KIRREL3: variants seen among roughly 807,000 people sequenced by gnomAD.
KIRREL3 encodes the protein kirre like nephrin family adhesion molecule 3, also known as kin of IRRE-like protein 3.
Under a neutral mutation model 89.7 loss-of-function variants are expected in KIRREL3, and 36 were observed. That is an observed-to-expected ratio of 0.40 (90% CI 0.31 to 0.53). The LOEUF is 0.53. Among genes scored for constraint, KIRREL3 ranks in the 20% least tolerant of loss-of-function variants. KIRREL3 has a pLI of 0.49. For synonymous variants in KIRREL3, 445 were observed against 441.4 expected (o/e 1.01, Z -0.10); for missense variants, 864 against 1,056.6 (o/e 0.82, Z 2.53).
rs561768809 is a variant in KIRREL3, at chr11:126,862,031, G to A, written c.55+138424C>T. On this transcript the variant is annotated intron_variant, in intron 1 of 16. Transcript: ENST00000525144. The stretch of plus-strand genomic sequence containing the variant: ...CCAGCTCTGCCCTTCTTGGCAGTGA[G>A]CAGTTAGCGGCCCTGAGGAATGAAG... Among the ~76,000 whole-genome samples, 417 of 152,382 alleles carry A rather than the reference G, an allele frequency of 2.7e-3. 1 individual carries two copies. Among genetic ancestry groups the A allele is most frequent in the Non-Finnish European group, 4.6e-3 (311 of 68,032 alleles).
Position 126,425,664 on chromosome 11 carries a change from C to T in KIRREL3, c.1867G>A (p.Glu623Lys). Reference sequence around the variant, plus strand: ...TTCAGGTTCTGAAACTCTTTCTCCTCTTCTTTGAGGACCTCCAGCTGTTTC... The same window carrying T: ...TTCAGGTTCTGAAACTCTTTCTCCTTTTCTTTGAGGACCTCCAGCTGTTTC... ...VLKQLEVLKE[E>K]EKEFQNLKDP... Residue 623 changes from glutamate to lysine, a missense_variant, in exon 16 of 17, where the codon GAG (glutamate) becomes AAG (lysine). Transcript: ENST00000525144. 1 of 1,593,530 alleles carries T rather than the reference C, an allele frequency of 6.3e-7. No homozygotes were observed. Among genetic ancestry groups the T allele is most frequent in the East Asian group, 2.3e-5 (1 of 44,380 alleles).
intron 1 of KIRREL3, among the ~76,000 whole-genome samples, chr11:126,866,916 C>G (rs111440872): frequency 2.6e-5 from 4 of 152,192 alleles, no homozygotes. Context: ...AAACCTTGCA[C>G]TCATCCTCCA....
At position 126,606,677 on chromosome 11, in the gene KIRREL3, T is replaced by C. The variant is rs1305994901; in HGVS notation, c.56-43765A>G. 6.6e-6 allele frequency among the ~76,000 whole-genome samples: 1 copy of C among 152,084 alleles called. No individual in the cohort carries two copies. The highest frequency in any genetic ancestry group is 2.1e-4 in the South Asian group (1 of 4,810). ...CAGTCAGTTTCCAAGCTGCATAACT[T>C]GGTTCAAGGTTGGCAGTGAGGGGAG... On this transcript the variant is annotated intron_variant, in intron 1 of 16. Transcript: ENST00000525144. This position sits in a 1 kb window ranked among gnomAD's most constrained non-coding sequence, Gnocchi z 4.6.
Position 126,542,036 on chromosome 11 carries a change from G to C in KIRREL3, c.134-15349C>G, listed in dbSNP as rs570202666. Among the ~76,000 whole-genome samples, 3 of 152,334 alleles carry C rather than the reference G, an allele frequency of 2.0e-5. No individual in the cohort carries two copies. The East Asian group carries it at 5.8e-4, about 29-fold the overall frequency. ...GCAGCGGGCCCTCAGGACCCTCTGT[G>C]CAATGCTCAAGGATTCCAAAGGCCC... On this transcript the variant is annotated intron_variant, in intron 2 of 16. Transcript: ENST00000525144.
At chr11:126,801,022 G>T (rs543061427) in intron 1 of KIRREL3, among the ~76,000 whole-genome samples, 1 of 152,106 alleles carries the variant, frequency 6.6e-6, no homozygotes, top group Non-Finnish European at 1.5e-5. Flanking sequence ...TGGTGCATGC[G>T]TGCCCACATA....
At position 126,574,275 on chromosome 11, in the gene KIRREL3, C is replaced by A. The variant is rs981472472; in HGVS notation, c.56-11363G>T. On this transcript the variant is annotated intron_variant, in intron 1 of 16. Transcript: ENST00000525144. The surrounding 1 kb of genome is among the most constrained non-coding windows in gnomAD (Gnocchi z 5.3). ...TGCTAATGGCAGGGCTAGGATTTGA[C>A]CACAACGCTTGGGGTAAAACCAAAC... 6.6e-6 allele frequency among the ~76,000 whole-genome samples: 1 copy of A among 152,192 alleles called. No individual in the cohort carries two copies. The highest frequency in any genetic ancestry group is 2.4e-5 in the African/African-American group (1 of 41,452).
rs1943664778 is a variant in KIRREL3 at position 126,623,703 on chromosome 11, C to G, written c.56-60791G>C. Among the ~76,000 whole-genome samples the G allele has an allele frequency of 6.6e-6, 1 of 152,012 alleles. No individual in the cohort carries two copies. Among genetic ancestry groups the G allele is most frequent in the Non-Finnish European group, 1.5e-5 (1 of 67,984 alleles). The stretch of plus-strand genomic sequence containing the variant: ...TGCTTTCTTAGCAGAAAGCACAAGA[C>G]CAGGCAAAGCAGGCGAGGAGAAAGC... On this transcript the variant is annotated intron_variant, in intron 1 of 16. Coordinates refer to ENST00000525144, the MANE Select transcript of KIRREL3 (RefSeq NM_032531.4). This position sits in a 1 kb window ranked among gnomAD's most constrained non-coding sequence, Gnocchi z 4.1.
Position 126,463,221 on chromosome 11 carries a change from C to T in KIRREL3, c.678G>A (p.Val226=). 8 of 1,613,972 alleles carry T rather than the reference C, an allele frequency of 5.0e-6. No individual in the cohort carries two copies. The highest frequency in any genetic ancestry group is 6.8e-6 in the Non-Finnish European group (8 of 1,179,876). Residue 226 remains valine (V), a synonymous_variant, in exon 6 of 17, where the codon GTG becomes GTA. Transcript: ENST00000525144. This position sits in a 1 kb window ranked among gnomAD's most constrained non-coding sequence, Gnocchi z 5.9. ...GGATGGCTTTGTTGGTGGCACGACA[C>T]ACGATGCTCTGGCCATTCTCCACGT... ...PGDVENGQSI[V]CRATNKAIPG...
chr11:126,596,577 G>A (rs1396575116), intron 1 of KIRREL3, among the ~76,000 whole-genome samples: 1 of 152,242 alleles, frequency 6.6e-6, no homozygotes, highest in Non-Finnish European at 1.5e-5. Context: ...AGTTGACAGT[G>A]ATCTGATGTG....
rs1948918006 is a variant in KIRREL3, at chr11:126,739,757, C to G, written c.56-176845G>C. On this transcript the variant is annotated intron_variant, in intron 1 of 16. Coordinates refer to ENST00000525144, the MANE Select transcript of KIRREL3 (RefSeq NM_032531.4). The surrounding 1 kb of genome is among the most constrained non-coding windows in gnomAD (Gnocchi z 5.5). ...AAAACACCTAAAGGAGAACCGTAGC[C>G]AACACTGCAAATCAGGCAGCATGTA... Among the ~76,000 whole-genome samples the G allele has an allele frequency of 6.6e-6, 1 of 152,104 alleles. No homozygotes were observed. Among genetic ancestry groups the G allele is most frequent in the South Asian group, 2.1e-4 (1 of 4,818 alleles).
chr11:127,000,518 G>T lies in KIRREL3; in HGVS notation c.-9C>A. 1 of 1,603,044 alleles carries T rather than the reference G, an allele frequency of 6.2e-7. No homozygotes were observed. The highest frequency in any genetic ancestry group is 8.5e-7 in the Non-Finnish European group (1 of 1,174,788). On this transcript the variant is annotated 5_prime_UTR_variant, in exon 1 of 17. Coordinates refer to ENST00000525144, the MANE Select transcript of KIRREL3 (RefSeq NM_032531.4). The surrounding 1 kb of genome is among the most constrained non-coding windows in gnomAD (Gnocchi z 7.1). ...AGCTGGAAGGGTTTCATTCCTTAGC[G>T]CAGCGAAGGAAAGCCGGCGGGGTAA...
intron 1 of KIRREL3, among the ~76,000 whole-genome samples, chr11:126,866,808 G>A (rs1021131491): frequency 6.6e-6 from 1 of 152,138 alleles, no homozygotes; most frequent in Non-Finnish European, 1.5e-5. Flanking sequence ...AGGAGAGTCT[G>A]ACCACTGCGT....
rs564104938 is a variant in KIRREL3, at chr11:126,568,801, A to G, written c.56-5889T>C. On this transcript the variant is annotated intron_variant, in intron 1 of 16. Transcript: ENST00000525144. The surrounding 1 kb of genome is among the most constrained non-coding windows in gnomAD (Gnocchi z 4.6). ...TACCTAATAAGGGTGAGTTCAATAAATAGAAACAAAATACCAAATTCTACC... is the reference window on the plus strand; with the variant it reads ...TACCTAATAAGGGTGAGTTCAATAAGTAGAAACAAAATACCAAATTCTACC... Among the ~76,000 whole-genome samples, 10 of 152,334 alleles carry G rather than the reference A, an allele frequency of 6.6e-5. No homozygotes were observed. The highest frequency in any genetic ancestry group is 2.6e-4 in the Admixed American group (4 of 15,310).
At position 126,729,021 on chromosome 11, in the gene KIRREL3, C is replaced by T. The variant is rs991027658; in HGVS notation, c.56-166109G>A. ...GACCTTGAGGAGGAGGCTTTTGGGG[C>T]AGGCATGCCTGTTGCAGGCTTGGAG... On this transcript the variant is annotated intron_variant, in intron 1 of 16. Coordinates refer to ENST00000525144, the MANE Select transcript of KIRREL3 (RefSeq NM_032531.4). The surrounding 1 kb of genome is among the most constrained non-coding windows in gnomAD (Gnocchi z 4.5). 1.3e-5 allele frequency among the ~76,000 whole-genome samples: 2 copies of T among 152,192 alleles called. No homozygotes were observed. The highest frequency in any genetic ancestry group is 2.9e-5 in the Non-Finnish European group (2 of 68,032).
chr11:126,734,269 T>C lies in KIRREL3; in HGVS notation c.56-171357A>G, dbSNP rs529689472. ...TCTACTTTTGGGATCTATGGCAGGT[T>C]CTTGGGGTCATTTATAAATAAGTGC... is the stretch of plus-strand genomic sequence containing the variant. On this transcript the variant is annotated intron_variant, in intron 1 of 16. Coordinates refer to ENST00000525144, the MANE Select transcript of KIRREL3 (RefSeq NM_032531.4). The surrounding 1 kb of genome is among the most constrained non-coding windows in gnomAD (Gnocchi z 5.9). 3.3e-5 allele frequency among the ~76,000 whole-genome samples: 5 copies of C among 152,342 alleles called. No homozygotes were observed. Among genetic ancestry groups the C allele is most frequent in the African/African-American group, 4.8e-5 (2 of 41,584 alleles).
At chr11:126,439,140 G>A (rs1229631593) in intron 11 of KIRREL3, among the ~76,000 whole-genome samples, 3 of 152,156 alleles carry the variant, frequency 2.0e-5, no homozygotes, top group Non-Finnish European at 4.4e-5. Flanking sequence ...AGACCAGCTT[G>A]GCCAACATGG....
rs1946664368 is a variant in KIRREL3, at chr11:126,908,199, A to C, written c.55+92256T>G. 6.6e-6 allele frequency among the ~76,000 whole-genome samples: 1 copy of C among 152,238 alleles called. No individual in the cohort carries two copies. The highest frequency in any genetic ancestry group is 1.5e-5 in the Non-Finnish European group (1 of 68,050). On this transcript the variant is annotated intron_variant, in intron 1 of 16. Transcript: ENST00000525144. The surrounding 1 kb of genome is among the most constrained non-coding windows in gnomAD (Gnocchi z 4.2). Reference sequence around the variant, plus strand: ...CGTATTTTCAGTGCCTAGGCACATAATAGACCCTTGATAAATATTTATTAA... The same window carrying C: ...CGTATTTTCAGTGCCTAGGCACATACTAGACCCTTGATAAATATTTATTAA...
At chr11:126,567,308 C>T (rs564439642) in intron 1 of KIRREL3, among the ~76,000 whole-genome samples, 45 of 152,242 alleles carry the variant, frequency 3.0e-4, no homozygotes, top group Middle Eastern at 3.4e-3. Context: ...TACAGGGAGA[C>T]GCTGTAAAAA....
chr11:126,913,088 G>A (rs899126671), intron 1 of KIRREL3, among the ~76,000 whole-genome samples: 4 of 152,210 alleles, frequency 2.6e-5, no homozygotes, highest in South Asian at 2.1e-4. Context: ...AGATTAGAAC[G>A]CTGCTGTTCT....
Sources: allele counts gnomAD v4.1 joint callset (sites outside exome capture counted in the v4.1 genomes callset), GRCh38; gene constraint gnomAD v4.1.1; non-coding constraint Gnocchi (gnomAD v3.1); transcripts MANE v1.5; gene names NCBI Gene and HGNC (gene_info 2026-07-23, HGNC 2026-07-21).